Variants in MYO16 observed in about 807,000 individuals in gnomAD.
MYO16 encodes the protein myosin XVI.
In MYO16, 94 loss-of-function variants were observed where a neutral mutation model predicts 205.3. The observed-to-expected ratio is 0.46, with a 90% CI of 0.39 to 0.54. MYO16 has a LOEUF of 0.54. Ranked by LOEUF, MYO16 falls within the 20% of genes least tolerant of loss-of-function variation. The probability of loss-of-function intolerance (pLI) is 0.00; values close to 1 mark genes in which losing one functional copy is unlikely to be tolerated. For synonymous variants in MYO16, 988 were observed against 954.0 expected, an observed-to-expected ratio of 1.04 and a Z score of -0.66; for missense variants, 2,315 against 2,387.5, an observed-to-expected ratio of 0.97 and a Z score of 0.63.
At chr13:108,745,539 A>G (rs1440733602) in intron 4 of MYO16, among the ~76,000 whole-genome samples, 1 of 152,200 alleles carries the variant, frequency 6.6e-6, no homozygotes, top group Non-Finnish European at 1.5e-5. Flanking sequence ...GAGTTACAGC[A>G]AACATTAAAC....
At chr13:108,543,979 C>T in the MYO16 span, among the ~76,000 whole-genome samples, 1 of 144,550 alleles carries the variant, frequency 6.9e-6, no homozygotes, top group Non-Finnish European at 1.5e-5. Flanking sequence ...GCAGAAGAAT[C>T]GCTTGAACTT....
chr13:108,740,683 T>G (rs1884875942), intron 4 of MYO16, among the ~76,000 whole-genome samples: 1 of 152,208 alleles, frequency 6.6e-6, no homozygotes, highest in Non-Finnish European at 1.5e-5. Context: ...GACATTTAAA[T>G]CTGCAGAGGT....
intron 33 of MYO16, among the ~76,000 whole-genome samples, chr13:109,177,485 A>G (rs1375024124): frequency 6.6e-6 from 1 of 151,886 alleles, no homozygotes; most frequent in Non-Finnish European, 1.5e-5. Flanking sequence ...CTGAGATCCA[A>G]CTTCTAATTT....
At chr13:109,076,072 C>G (rs1888092149) in intron 27 of MYO16, among the ~76,000 whole-genome samples, 1 of 152,136 alleles carries the variant, frequency 6.6e-6, no homozygotes. Context: ...TACCAGTACT[C>G]CCTTATTATC....
the MYO16 span, among the ~76,000 whole-genome samples, chr13:108,574,781 C>G: frequency 6.6e-6 from 1 of 151,916 alleles, no homozygotes; most frequent in Non-Finnish European, 1.5e-5. Context: ...AGCATTTCCT[C>G]TCCCTCAGTT....
intron 16 of MYO16, among the ~76,000 whole-genome samples, chr13:108,929,586 C>T (rs1165859682): frequency 2.0e-5 from 3 of 152,102 alleles, no homozygotes; most frequent in Non-Finnish European, 4.4e-5. Flanking sequence ...CGGAGCACAC[C>T]TGGCAATATC....
chr13:109,091,944 T>C (rs1160446571), intron 27 of MYO16, among the ~76,000 whole-genome samples: 1 of 152,182 alleles, frequency 6.6e-6, no homozygotes, highest in African/African-American at 2.4e-5. Flanking sequence ...ATAATTTTGG[T>C]CCAAAAAAGT....
intron 14 of MYO16, among the ~76,000 whole-genome samples, chr13:108,889,655 T>C (rs1880069471): frequency 6.6e-6 from 1 of 152,138 alleles, no homozygotes; most frequent in African/African-American, 2.4e-5. Context: ...TATATTTCTT[T>C]TGGAAATCAC....
the MYO16 span, among the ~76,000 whole-genome samples, chr13:108,539,104 G>T: frequency 1.3e-5 from 2 of 152,066 alleles, no homozygotes; most frequent in African/African-American, 4.8e-5. Flanking sequence ...TGCCTGAGTT[G>T]TTATTTATCG....
intron 20 of MYO16, among the ~76,000 whole-genome samples, chr13:108,968,109 T>C (rs1883865955): frequency 6.6e-6 from 1 of 152,198 alleles, no homozygotes; most frequent in Admixed American, 6.6e-5. Flanking sequence ...CACTCCACCT[T>C]GGTCTCCCGC....
At chr13:108,782,203 G>A (rs528351869) in intron 4 of MYO16, among the ~76,000 whole-genome samples, 1 of 152,300 alleles carries the variant, frequency 6.6e-6, no homozygotes, top group South Asian at 2.1e-4. Context: ...TGCTGATAGT[G>A]ATATGAACAA....
rs1197739437 is a variant in MYO16, at chr13:108,971,333, G to GGT, written c.2369+6442_2369+6443dup. Among the ~76,000 whole-genome samples, 7 of 115,060 alleles carry GGT rather than the reference G, an allele frequency of 6.1e-5. No homozygotes were observed. The Admixed American group carries it at 6.5e-4, about 11-fold the overall frequency. 75.5% of individuals were successfully genotyped at this position (115,060 alleles called of 152,430 possible). On this transcript the variant is annotated intron_variant, in intron 20 of 34. Coordinates refer to ENST00000457511, the MANE Select transcript of MYO16 (RefSeq NM_001198950.3). ...TTTCAACATCAGTTCTGAATAAAAT[G>GGT]GTGTGTGTGTGTTGATTATATATAT...
At chr13:108,849,886 CT>C (rs71204888) in intron 10 of MYO16, among the ~76,000 whole-genome samples, 18,349 of 113,922 alleles carry the variant, frequency 0.16, 2,398 homozygotes, top group African/African-American at 0.23. Flanking sequence ...TGAATTTCCT[CT>C]TTTTTTTTTT....
At chr13:109,123,247 G>T (rs1340683133) in intron 29 of MYO16, among the ~76,000 whole-genome samples, 1 of 152,172 alleles carries the variant, frequency 6.6e-6, no homozygotes, top group African/African-American at 2.4e-5. Flanking sequence ...AAAGGCTATT[G>T]GGATGAAGTG....
chr13:108,578,425 G>A, the MYO16 span, among the ~76,000 whole-genome samples: 1 of 152,252 alleles, frequency 6.6e-6, no homozygotes, highest in East Asian at 1.9e-4. Flanking sequence ...ATTAAATATC[G>A]AGGTAATGGC....
chr13:109,022,661 TTA>T lies in MYO16; in HGVS notation c.2796+2756_2796+2757del, dbSNP rs1320354841. ...TATGCATATAAACATATGTATATATTTATATATTATATATACACATATAAACA... is the reference window on the plus strand; with the variant it reads ...TATGCATATAAACATATGTATATATTTATATTATATATACACATATAAACA... On this transcript the variant is annotated intron_variant, in intron 23 of 34. Transcript: ENST00000457511. Among the ~76,000 whole-genome samples the T allele has an allele frequency of 1.7e-5, 2 of 115,288 alleles. 1 individual carries two copies. Among genetic ancestry groups the T allele is most frequent in the African/African-American group, 6.3e-5 (2 of 31,674 alleles). The allele number at this position is 115,288 out of a possible 152,430, so 75.6% of individuals were successfully genotyped here.
intron 27 of MYO16, among the ~76,000 whole-genome samples, chr13:109,072,796 A>G (rs1176328193): frequency 6.6e-6 from 1 of 152,220 alleles, no homozygotes; most frequent in Non-Finnish European, 1.5e-5. Context: ...GACTAAAAAA[A>G]CAAGATTATG....
At chr13:108,960,509 CTTA>C (rs1379170401) in intron 17 of MYO16, among the ~76,000 whole-genome samples, 1 of 151,950 alleles carries the variant, frequency 6.6e-6, no homozygotes, top group Non-Finnish European at 1.5e-5. Context: ...AAAATCATAC[CTTA>C]TTATGAAAAC....
intron 2 of MYO16, among the ~76,000 whole-genome samples, chr13:108,700,056 G>C (rs1021418665): frequency 2.0e-5 from 3 of 152,086 alleles, no homozygotes; most frequent in African/African-American, 7.2e-5. Context: ...TTATAGGCTG[G>C]GCATGGTGGT....
Sources: allele counts gnomAD v4.1 joint callset (sites outside exome capture counted in the v4.1 genomes callset), GRCh38; gene constraint gnomAD v4.1.1; transcripts MANE v1.5; gene names NCBI Gene and HGNC (gene_info 2026-07-23, HGNC 2026-07-21).